Variants in SPATA16 observed in about 807,000 individuals in gnomAD.
SPATA16 encodes spermatogenesis associated 16, also known as spermatogenesis-associated protein 16.
In SPATA16, 36 loss-of-function variants were observed where a neutral mutation model predicts 63.3. That is an observed-to-expected ratio of 0.57 (90% CI 0.44 to 0.75). SPATA16 has a LOEUF of 0.75. SPATA16 is among the 30% of genes least tolerant of loss of function. The pLI is 0.00. For missense variants in SPATA16, 646 were observed against 679.3 expected (o/e 0.95, Z 0.54); for synonymous variants, 203 against 216.7 (o/e 0.94, Z 0.56).
At chr3:173,064,841 C>T (rs1008972402) in intron 2 of SPATA16, among the ~76,000 whole-genome samples, 1 of 151,958 alleles carries the variant, frequency 6.6e-6, no homozygotes, top group Admixed American at 6.5e-5. Flanking sequence ...GATGACTTGG[C>T]AGGAAGGGGA....
chr3:172,924,076 T>C, intron 8 of SPATA16, 132 bp downstream of exon 8: 1 of 719,704 alleles, frequency 1.4e-6, no homozygotes. Flanking sequence ...TGCTTGTTTT[T>C]GCAAATGAGA....
chr3:173,046,636 C>G (rs1231383471), intron 3 of SPATA16, among the ~76,000 whole-genome samples: 1 of 151,994 alleles, frequency 6.6e-6, no homozygotes, highest in Non-Finnish European at 1.5e-5. Context: ...TTAGTATCAA[C>G]TTTCACAATG....
intron 10 of SPATA16, among the ~76,000 whole-genome samples, chr3:172,912,905 G>A (rs1002587821): frequency 2.0e-5 from 3 of 152,128 alleles, no homozygotes; most frequent in African/African-American, 7.2e-5. Context: ...CAAAAGACAC[G>A]TGTTTCCTCA....
At chr3:172,938,312 A>C (rs1201167506) in intron 6 of SPATA16, among the ~76,000 whole-genome samples, 1 of 152,216 alleles carries the variant, frequency 6.6e-6, no homozygotes, top group Non-Finnish European at 1.5e-5. Flanking sequence ...GTTATTAAGA[A>C]ATGGGGTGAA....
intron 6 of SPATA16, among the ~76,000 whole-genome samples, chr3:172,936,917 G>C (rs183265116): frequency 9.2e-5 from 14 of 152,134 alleles, no homozygotes; most frequent in African/African-American, 3.4e-4. Context: ...CACCATACTG[G>C]CCAGGCTGGA....
intron 3 of SPATA16, among the ~76,000 whole-genome samples, chr3:173,047,801 A>G (rs894195083): frequency 4.6e-5 from 7 of 151,902 alleles, no homozygotes; most frequent in Admixed American, 4.6e-4. Flanking sequence ...AGGGAGTAAA[A>G]TTTTCTTTTA....
In SPATA16 at chr3:173,102,711, T is replaced by C. The variant is rs569453963; in HGVS notation, c.612+14409A>G. On this transcript the variant is annotated intron_variant, in intron 2 of 10. Coordinates refer to ENST00000351008, the MANE Select transcript of SPATA16 (RefSeq NM_031955.6). ...TGAGATTTGGAGGAGACAGCCAAATTGTGTCATTCCACCTCTGCCCCCACA... is the reference window on the plus strand; with the variant it reads ...TGAGATTTGGAGGAGACAGCCAAATCGTGTCATTCCACCTCTGCCCCCACA... Among the ~76,000 whole-genome samples the C allele has an allele frequency of 8.5e-5, 13 of 152,234 alleles. No individual in the cohort carries two copies. In the South Asian group the frequency reaches 2.3e-3, roughly 27 times the overall value.
intron 4 of SPATA16, among the ~76,000 whole-genome samples, chr3:172,981,431 A>T (rs760996708): frequency 6.6e-6 from 1 of 152,202 alleles, no homozygotes; most frequent in Non-Finnish European, 1.5e-5. Context: ...ATCTGGACAC[A>T]TGTTGCTTCT....
At chr3:173,004,329 C>T (rs899181008) in intron 4 of SPATA16, among the ~76,000 whole-genome samples, 71 of 151,706 alleles carry the variant, frequency 4.7e-4, no homozygotes, top group African/African-American at 1.6e-3. Context: ...TTTGAAGTTC[C>T]ACCTTTCCAT....
chr3:172,912,728 A>G (rs1324880029), intron 10 of SPATA16, among the ~76,000 whole-genome samples: 2 of 152,194 alleles, frequency 1.3e-5, no homozygotes, highest in African/African-American at 2.4e-5. Flanking sequence ...TATATACAAT[A>G]CGTGTGAATC....
chr3:172,931,820 G>A (rs1052075946), intron 6 of SPATA16, among the ~76,000 whole-genome samples: 2 of 152,176 alleles, frequency 1.3e-5, no homozygotes, highest in African/African-American at 4.8e-5. Flanking sequence ...GGTGAGTGAA[G>A]TAAAATAATT....
At chr3:173,108,517 A>C (rs1737672741) in intron 2 of SPATA16, among the ~76,000 whole-genome samples, 1 of 152,122 alleles carries the variant, frequency 6.6e-6, no homozygotes, top group South Asian at 2.1e-4. Flanking sequence ...TGGGATTGTA[A>C]AAATACCAAT....
At chr3:172,941,020 A>T (rs1340926491) in intron 6 of SPATA16, among the ~76,000 whole-genome samples, 1 of 151,954 alleles carries the variant, frequency 6.6e-6, no homozygotes, top group Non-Finnish European at 1.5e-5. Context: ...CAAATTACAT[A>T]AAAAAAAGAT....
At chr3:172,990,183 T>C (rs906304458) in intron 4 of SPATA16, among the ~76,000 whole-genome samples, 4 of 152,226 alleles carry the variant, frequency 2.6e-5, no homozygotes. Flanking sequence ...GCACATGCCA[T>C]GTGATTCTTA....
At chr3:172,996,298 G>C (rs1003078387) in intron 4 of SPATA16, among the ~76,000 whole-genome samples, 1 of 152,000 alleles carries the variant, frequency 6.6e-6, no homozygotes, top group Non-Finnish European at 1.5e-5. Flanking sequence ...ATGGCCAGTT[G>C]CCCAAGGTGG....
intron 2 of SPATA16, among the ~76,000 whole-genome samples, chr3:173,065,778 A>C (rs1393605124): frequency 6.6e-6 from 1 of 152,196 alleles, no homozygotes; most frequent in East Asian, 1.9e-4. Flanking sequence ...TAGGGCAGAA[A>C]TCTGCTGGAG....
intron 4 of SPATA16, among the ~76,000 whole-genome samples, chr3:172,998,176 G>C (rs556525722): frequency 6.6e-6 from 1 of 152,104 alleles, no homozygotes; most frequent in African/African-American, 2.4e-5. Context: ...TGAACATGGA[G>C]TACCTCTCAT....
chr3:172,952,536 G>C (rs1432115326), intron 6 of SPATA16, among the ~76,000 whole-genome samples: 1 of 152,118 alleles, frequency 6.6e-6, no homozygotes, highest in Non-Finnish European at 1.5e-5. Flanking sequence ...AGGCCTGGAA[G>C]TGACATATAT....
chr3:172,935,315 A>G (rs1237870988), intron 6 of SPATA16, among the ~76,000 whole-genome samples: 2 of 152,196 alleles, frequency 1.3e-5, no homozygotes, highest in Admixed American at 6.5e-5. Flanking sequence ...AAAAATAGCC[A>G]TTGTTTGAGA....
Sources: gnomAD v4.1 joint callset for allele counts (sites outside exome capture counted in the v4.1 genomes callset) on GRCh38, gnomAD v4.1.1 for gene constraint, MANE v1.5 for transcripts, NCBI Gene and HGNC (gene_info 2026-07-23, HGNC 2026-07-21) for gene names.